Variants in SYBU observed in about 807,000 individuals in gnomAD.
SYBU encodes GOLSYN A protein.
SYBU carries 21 observed loss-of-function variants against 35.9 expected under a neutral mutation model. The ratio of observed to expected loss-of-function variants is 0.58; its 90% CI spans 0.41 to 0.84. The LOEUF is 0.84. Ranked by LOEUF, SYBU falls within the 40% of genes least tolerant of loss-of-function variation. The pLI is 0.00. For missense variants in SYBU, 768 were observed against 848.2 expected (o/e 0.91, Z 1.17); for synonymous variants, 319 against 324.3 (o/e 0.98, Z 0.18).
chr8:109,637,547 AG>A (rs1490616730), intron 2 of SYBU, among the ~76,000 whole-genome samples: 1 of 151,510 alleles, frequency 6.6e-6, no homozygotes, highest in Non-Finnish European at 1.5e-5. Context: ...TACATTTCCT[AG>A]GTCTCATTAA....
intron 2 of SYBU, among the ~76,000 whole-genome samples, chr8:109,629,607 G>A (rs773050322): frequency 3.9e-5 from 6 of 152,080 alleles, no homozygotes; most frequent in East Asian, 1.9e-4. Context: ...ATAAACATAC[G>A]TGTGCATGTG....
At chr8:109,633,986 G>A (rs952318014) in intron 2 of SYBU, among the ~76,000 whole-genome samples, 18 of 151,988 alleles carry the variant, frequency 1.2e-4, no homozygotes, top group Admixed American at 1.3e-4. Context: ...TGCCAGCCTC[G>A]GCTTCCCAAA....
At chr8:109,627,473 A>G (rs1813114943) in intron 2 of SYBU, among the ~76,000 whole-genome samples, 1 of 152,218 alleles carries the variant, frequency 6.6e-6, no homozygotes, top group African/African-American at 2.4e-5. Flanking sequence ...TTTATTAAGT[A>G]CTTATCATGT....
intron 1 of SYBU, among the ~76,000 whole-genome samples, chr8:109,666,615 C>A (rs189706062): frequency 6.6e-6 from 1 of 152,050 alleles, no homozygotes; most frequent in Non-Finnish European, 1.5e-5. Flanking sequence ...GTGATGCATG[C>A]CTGTAATCCT....
intron 1 of SYBU, among the ~76,000 whole-genome samples, chr8:109,653,773 A>G (rs1816247439): frequency 6.6e-6 from 1 of 152,160 alleles, no homozygotes; most frequent in Non-Finnish European, 1.5e-5. Context: ...AGGTATTAAG[A>G]GAACTCTCTC....
At chr8:109,661,823 T>C (rs764929302) in intron 1 of SYBU, among the ~76,000 whole-genome samples, 1 of 152,220 alleles carries the variant, frequency 6.6e-6, no homozygotes, top group Non-Finnish European at 1.5e-5. Flanking sequence ...ACATGAAATA[T>C]CAACATGCAT....
intron 3 of SYBU, chr8:109,608,000 TAC>T: frequency 6.6e-7 from 1 of 1,526,674 alleles, no homozygotes; most frequent in Non-Finnish European, 8.8e-7. Flanking sequence ...TTTGCAGAAA[TAC>T]AGTGTGTGCA....
In SYBU at chr8:109,575,294, G is replaced by T. The variant is rs1349217370; in HGVS notation, c.1604C>A (p.Ser535Tyr). The change falls in exon 7 of 7, where the codon TCC (serine) becomes TAC (tyrosine). Residue 535 changes from serine to tyrosine, a missense_variant. Ser to Tyr is a moderately radical substitution (Grantham distance 144). Transcript: ENST00000276646. ...EPDSMESFPESLSALVVDLTP... is the reference protein window; with the variant it reads ...EPDSMESFPEYLSALVVDLTP... The stretch of plus-strand genomic sequence containing the variant: ...TAAATCAACCACTAAGGCAGAGAGG[G>T]ACTCTGGGAAGCTCTCCATCGAGTC... The T allele has an allele frequency of 1.9e-6, 3 of 1,614,078 alleles. No homozygotes were observed. In the East Asian group the frequency reaches 6.7e-5, roughly 36 times the overall value.
chr8:109,622,181 GTATCTATC>G (rs33965004), intron 2 of SYBU, among the ~76,000 whole-genome samples: 6,113 of 146,428 alleles, frequency 0.042, 347 homozygotes, highest in African/African-American at 0.13. Flanking sequence ...AATAATATGA[GTATCTATC>G]TATCTATCTA....
At chr8:109,608,803 A>G (rs981405791) in intron 3 of SYBU, among the ~76,000 whole-genome samples, 6 of 152,214 alleles carry the variant, frequency 3.9e-5, no homozygotes, top group African/African-American at 1.4e-4. Context: ...TTGAGCACAT[A>G]CTGTATGCCA....
upstream of SYBU, chr8:109,647,073 G>A (rs1404769876): frequency 6.6e-6 from 1 of 152,174 alleles, no homozygotes; most frequent in Non-Finnish European, 1.5e-5. Context: ...GCTTCTCCGT[G>A]AAAACTCATT....
chr8:109,604,389 TC>T (rs1825851539), intron 3 of SYBU, among the ~76,000 whole-genome samples: 1 of 152,216 alleles, frequency 6.6e-6, no homozygotes, highest in African/African-American at 2.4e-5. Flanking sequence ...AACATGGTCA[TC>T]CTCTGGGCTC....
rs530047683 is a variant in SYBU at position 109,617,617 on chromosome 8, A to G, written c.427+1225T>C. Among the ~76,000 whole-genome samples the G allele has an allele frequency of 3.9e-5, 6 of 152,240 alleles. No homozygotes were observed. In the East Asian group the frequency reaches 1.2e-3, roughly 29 times the overall value. Reference sequence around the variant, plus strand: ...ACTCATTGTCTCTTTCTTAAATATCAAGGGTGCTCAACACCCTTTGTATCA... The same window carrying G: ...ACTCATTGTCTCTTTCTTAAATATCGAGGGTGCTCAACACCCTTTGTATCA... On this transcript the variant is annotated intron_variant, in intron 3 of 6. Transcript: ENST00000276646.
chr8:109,652,901 A>G (rs574594652), intron 1 of SYBU, among the ~76,000 whole-genome samples: 2 of 152,178 alleles, frequency 1.3e-5, no homozygotes, highest in Admixed American at 6.5e-5. Context: ...GTATCTTGGT[A>G]TTCTTATTTG....
At chr8:109,603,669 C>A (rs540148183) in intron 3 of SYBU, among the ~76,000 whole-genome samples, 33 of 152,288 alleles carry the variant, frequency 2.2e-4, no homozygotes, top group African/African-American at 7.5e-4. Context: ...TTTTTAGGAC[C>A]ATCAAAGAGT....
Position 109,669,348 on chromosome 8 carries a change from A to AC in SYBU, c.-129+11362_-129+11363insG, listed in dbSNP as rs1169157113. Reference sequence around the variant, plus strand: ...CAGAGTGAGACTCCGTCAAAAAAAAAAAAAAAAAAAAAAAAAAAAACAACT... The same window carrying AC: ...CAGAGTGAGACTCCGTCAAAAAAAAACAAAAAAAAAAAAAAAAAAAACAACT... On this transcript the variant is annotated intron_variant, in intron 1 of 5. Coordinates refer to the SYBU transcript ENST00000408889. Among the ~76,000 whole-genome samples, 7 of 149,712 alleles carry AC rather than the reference A, an allele frequency of 4.7e-5. No homozygotes were observed. In the East Asian group the frequency reaches 9.8e-4, roughly 21 times the overall value.
intron 2 of SYBU, among the ~76,000 whole-genome samples, chr8:109,636,782 ATTCT>A (rs1057123930): frequency 3.9e-5 from 6 of 152,220 alleles, no homozygotes; most frequent in Admixed American, 3.9e-4. Flanking sequence ...AAAAAAGGAA[ATTCT>A]TTCTCCTCCT....
intron 1 of SYBU, among the ~76,000 whole-genome samples, chr8:109,688,178 A>G (rs1324299917): frequency 6.6e-6 from 1 of 152,230 alleles, no homozygotes; most frequent in Non-Finnish European, 1.5e-5. Context: ...TAACTAACAG[A>G]TGAAACATTA....
In SYBU at chr8:109,691,435, ACC is replaced by A. The variant is rs1396219898; in HGVS notation, c.-162_-161del. 239 of 667,762 alleles carry A rather than the reference ACC, an allele frequency of 3.6e-4. 2 individuals carry two copies. The East Asian group carries it at 7.0e-3, about 20-fold the overall frequency. The allele number at this position is 667,762 out of a possible 1,614,324, so 41.4% of individuals were successfully genotyped here. ...TGGGCCGGGTGCCGGTGCGGACGGGACCCCGCGTCGCTGCTGGTTTGCGCTCA... is the reference window on the plus strand; with the variant it reads ...TGGGCCGGGTGCCGGTGCGGACGGGACCGCGTCGCTGCTGGTTTGCGCTCA... On this transcript the variant is annotated 5_prime_UTR_variant, in exon 1 of 8. Transcript: ENST00000422135. This position sits in a 1 kb window ranked among gnomAD's most constrained non-coding sequence, Gnocchi z 4.7.
Sources: allele counts gnomAD v4.1 joint callset (sites outside exome capture counted in the v4.1 genomes callset), GRCh38; gene constraint gnomAD v4.1.1; non-coding constraint Gnocchi (gnomAD v3.1); transcripts MANE v1.5; gene names NCBI Gene and HGNC (gene_info 2026-07-23, HGNC 2026-07-21).